The following WDHD1 variants were observed in gnomAD, a reference collection of about 807,000 sequenced individuals.
WDHD1 encodes WD repeat and HMG-box DNA binding protein 1.
Under a neutral mutation model 135.4 loss-of-function variants are expected in WDHD1, and 111 were observed. The ratio of observed to expected loss-of-function variants is 0.82; its 90% CI spans 0.70 to 0.96. WDHD1 has a LOEUF of 0.96. Ranked by LOEUF, WDHD1 falls within the 40% of genes least tolerant of loss-of-function variation. The pLI, the probability that WDHD1 is intolerant of heterozygous loss-of-function variation, is 0.00. For synonymous variants in WDHD1, 434 were observed against 439.0 expected, an observed-to-expected ratio of 0.99 and a Z score of 0.14; for missense variants, 1,351 against 1,336.3, an observed-to-expected ratio of 1.01 and a Z score of -0.17.
intron 7 of WDHD1, among the ~76,000 whole-genome samples, chr14:55,003,009 T>C (rs973741551): frequency 1.2e-4 from 19 of 152,320 alleles, no homozygotes; most frequent in African/African-American, 4.3e-4. Flanking sequence ...ATGTATCTTC[T>C]TATGCATTAT....
At chr14:54,998,548 T>C (rs2041924822) in intron 10 of WDHD1, among the ~76,000 whole-genome samples, 1 of 152,344 alleles carries the variant, frequency 6.6e-6, no homozygotes, top group South Asian at 2.1e-4. Flanking sequence ...CCCAATTTAC[T>C]TCTCTACAGA....
At chr14:54,965,204 G>A (rs928236765) in intron 18 of WDHD1, among the ~76,000 whole-genome samples, 1 of 152,238 alleles carries the variant, frequency 6.6e-6, no homozygotes, top group Non-Finnish European at 1.5e-5. Flanking sequence ...GCATACAGCA[G>A]TGAGCAGGTC....
At chr14:55,024,844 G>A (rs1380898085) in intron 2 of WDHD1, among the ~76,000 whole-genome samples, 2 of 113,248 alleles carry the variant, frequency 1.8e-5, no homozygotes, top group Non-Finnish European at 3.9e-5. Context: ...CAAAAACTGC[G>A]GAAGGCCGCA....
chr14:54,975,775 C>T (rs564521479), intron 16 of WDHD1, among the ~76,000 whole-genome samples: 1 of 152,074 alleles, frequency 6.6e-6, no homozygotes, highest in South Asian at 2.1e-4. Flanking sequence ...CAGTGATCCT[C>T]CTGCCCCTGT....
chr14:54,954,706 C>T (rs2041123037), intron 24 of WDHD1, among the ~76,000 whole-genome samples: 1 of 152,258 alleles, frequency 6.6e-6, no homozygotes, highest in Non-Finnish European at 1.5e-5. Flanking sequence ...GATAGCCTTG[C>T]TATAGTATAA....
chr14:54,971,526 G>T (rs1367764253), intron 16 of WDHD1, among the ~76,000 whole-genome samples: 2 of 151,976 alleles, frequency 1.3e-5, no homozygotes, highest in Non-Finnish European at 1.5e-5. Flanking sequence ...TCTAACCAAG[G>T]AGGTGAAAGA....
chr14:54,948,860 T>C (rs2040983182), intron 24 of WDHD1, among the ~76,000 whole-genome samples: 1 of 152,196 alleles, frequency 6.6e-6, no homozygotes, highest in African/African-American at 2.4e-5. Context: ...TATTTGCTGT[T>C]CTGCAGCCTC....
At chr14:54,948,094 A>G (rs1303989161) in intron 24 of WDHD1, among the ~76,000 whole-genome samples, 1 of 151,892 alleles carries the variant, frequency 6.6e-6, no homozygotes, top group Non-Finnish European at 1.5e-5. Context: ...GTCGAATAGG[A>G]AGAGCTTCAG....
chr14:54,941,701 T>C lies in WDHD1; in HGVS notation c.3190-11A>G, dbSNP rs368819627. The C allele has an allele frequency of 1.1e-5, 17 of 1,593,394 alleles. No individual in the cohort carries two copies. Among genetic ancestry groups the C allele is most frequent in the African/African-American group, 2.7e-5 (2 of 73,828 alleles). The stretch of plus-strand genomic sequence containing the variant: ...TTTGTTAGCCCACACCTTTGTAAAA[T>C]GGCAGGAGTGAAAAGGAAAGATTTT... On this transcript the variant is annotated splice_polypyrimidine_tract_variant and intron_variant, in intron 25 of 25. Coordinates refer to ENST00000360586, the MANE Select transcript of WDHD1 (RefSeq NM_007086.4).
rs750861475 is a variant in WDHD1, at chr14:54,995,753, C to T, written c.1003G>A (p.Ala335Thr). 5 of 1,613,274 alleles carry T rather than the reference C, an allele frequency of 3.1e-6. No homozygotes were observed. The African/African-American group carries it at 4.0e-5, about 13-fold the overall frequency. The change falls in exon 11 of 26, where the codon GCT becomes ACT. Residue 335 changes from alanine (A) to threonine (T), a missense_variant. Physicochemically the swap from Ala to Thr is moderately conservative, Grantham distance 58 (BLOSUM62 0). Around this residue, in one of 2 missense-constraint regions of WDHD1, gnomAD observed 1,330 missense variants for 1,296.1 expected, o/e 1.03. Coordinates refer to ENST00000360586, the MANE Select transcript of WDHD1 (RefSeq NM_007086.4). ...GCATTGTCATTTAGAAAATCACCAGCATTACTCATATCATCTCCATCAAAA... is the reference window on the plus strand; with the variant it reads ...GCATTGTCATTTAGAAAATCACCAGTATTACTCATATCATCTCCATCAAAA... Reference protein sequence around the residue: ...DLFDGDDMSNAGDFLNDNAVE... With the variant: ...DLFDGDDMSNTGDFLNDNAVE...
Position 55,022,828 on chromosome 14 carries a change from T to C in WDHD1, c.77+3883A>G, listed in dbSNP as rs559179689. Among the ~76,000 whole-genome samples, 9 of 150,386 alleles carry C rather than the reference T, an allele frequency of 6.0e-5. No homozygotes were observed. The East Asian group carries it at 1.2e-3, about 20-fold the overall frequency. On this transcript the variant is annotated intron_variant, in intron 2 of 25. Transcript: ENST00000360586. ...CCATCTTGACCCTTTCTCTTTCTTT[T>C]TTTTTTTTTTTTTGAGATGGAGTTT...
At chr14:54,980,378 A>C (rs1004563283) in intron 16 of WDHD1, among the ~76,000 whole-genome samples, 3 of 151,914 alleles carry the variant, frequency 2.0e-5, no homozygotes, top group African/African-American at 7.3e-5. Context: ...AGAATTGTGC[A>C]TCTATCAACA....
intron 24 of WDHD1, 56 bp downstream of exon 24, chr14:54,955,505 T>C (rs1267483220): frequency 7.1e-7 from 1 of 1,415,632 alleles, no homozygotes; most frequent in East Asian, 2.7e-5. Flanking sequence ...TTTGTATTGC[T>C]GCTACTGTAT....
chr14:54,975,701 T>C (rs2041514082), intron 16 of WDHD1, among the ~76,000 whole-genome samples: 1 of 151,676 alleles, frequency 6.6e-6, no homozygotes. Flanking sequence ...CTTAAATTAA[T>C]GCTTTTTTTT....
rs2040815371 is a variant in WDHD1, at chr14:54,939,949, A to G, written c.*1541T>C. ...AAACACAAAATACATGTCTACAAACATGCTTTCCAATGTACTATAAATAAA... is the reference window on the plus strand; with the variant it reads ...AAACACAAAATACATGTCTACAAACGTGCTTTCCAATGTACTATAAATAAA... On this transcript the variant is annotated 3_prime_UTR_variant, in exon 26 of 26. Transcript: ENST00000360586. 1 of 152,264 alleles carries G rather than the reference A, an allele frequency of 6.6e-6. No individual in the cohort carries two copies. The highest frequency in any genetic ancestry group is 1.5e-5 in the Non-Finnish European group (1 of 68,054). 9.4% of individuals were successfully genotyped at this position (152,264 alleles called of 1,614,324 possible).
chr14:55,026,138 A>G (rs1367797427), intron 2 of WDHD1, among the ~76,000 whole-genome samples: 4 of 152,364 alleles, frequency 2.6e-5, no homozygotes, highest in East Asian at 3.9e-4. Flanking sequence ...AGTCCCCAGC[A>G]AAAGAGACAC....
intron 13 of WDHD1, among the ~76,000 whole-genome samples, chr14:54,987,776 G>A (rs1022791442): frequency 2.6e-5 from 4 of 152,096 alleles, no homozygotes; most frequent in Admixed American, 2.6e-4. Context: ...ACAGGTGGGT[G>A]CCACTGCACC....
chr14:54,987,830 T>C (rs1476567028), intron 13 of WDHD1, among the ~76,000 whole-genome samples: 1 of 152,152 alleles, frequency 6.6e-6, no homozygotes, highest in Non-Finnish European at 1.5e-5. Flanking sequence ...TTTCACCATG[T>C]TGGTCAGGCT....
At position 54,941,590 on chromosome 14, in the gene WDHD1, T is replaced by C. The variant is rs1566699227; in HGVS notation, c.3290A>G (p.Glu1097Gly). 6.2e-7 allele frequency: 1 copy of C among 1,614,064 alleles called. No individual in the cohort carries two copies. Among genetic ancestry groups the C allele is most frequent in the Admixed American group, 1.7e-5 (1 of 60,020 alleles). ...VDESDETENQ[E>G]EKAKENLNLS... Reference sequence around the variant, plus strand: ...ATTCAGGTTCTCTTTTGCTTTTTCTTCCTGGTTTTCTGTTTCATCACTTTC... The same window carrying C: ...ATTCAGGTTCTCTTTTGCTTTTTCTCCCTGGTTTTCTGTTTCATCACTTTC... Residue 1097 changes from glutamate to glycine, a missense_variant, in exon 26 of 26, where the codon GAA becomes GGA. Coordinates refer to ENST00000360586, the MANE Select transcript of WDHD1 (RefSeq NM_007086.4).
Sources: gnomAD v4.1 joint callset for allele counts (sites outside exome capture counted in the v4.1 genomes callset) on GRCh38, gnomAD v4.1.1 for gene constraint, gnomAD v4.1.1 regional missense constraint, MANE v1.5 for transcripts, NCBI Gene and HGNC (gene_info 2026-07-23, HGNC 2026-07-21) for gene names.